HRH1: variants seen among roughly 807,000 people sequenced by gnomAD.
HRH1 encodes histamine H1 receptor.
A neutral mutation model predicts 10.3 loss-of-function variants in HRH1; 6 were observed. The ratio of observed to expected loss-of-function variants is 0.58; its 90% CI spans 0.32 to 1.15. The LOEUF (loss-of-function observed/expected upper bound fraction) is 1.15. HRH1 is among the 50% of genes most tolerant of loss of function. The pLI is 0.05. For missense variants in HRH1, 514 were observed against 615.3 expected, an observed-to-expected ratio of 0.84 and a Z score of 1.74; for synonymous variants, 242 against 236.7, an observed-to-expected ratio of 1.02 and a Z score of -0.21.
At chr3:11,175,616 T>G (rs1329739482) in intron 1 of HRH1, among the ~76,000 whole-genome samples, 1 of 152,224 alleles carries the variant, frequency 6.6e-6, no homozygotes, top group Non-Finnish European at 1.5e-5. Context: ...GGAAAACCAT[T>G]TGTAATAAAA....
upstream of HRH1, among the ~76,000 whole-genome samples, chr3:11,149,811 C>T (rs1308499913): frequency 6.6e-6 from 1 of 152,218 alleles, no homozygotes; most frequent in African/African-American, 2.4e-5. Context: ...AGACTGTATC[C>T]ATACAGAGAA....
upstream of HRH1, among the ~76,000 whole-genome samples, chr3:11,149,976 T>C (rs796860365): frequency 4.6e-5 from 7 of 152,332 alleles, no homozygotes; most frequent in African/African-American, 1.7e-4. Context: ...GCTCTGCAGC[T>C]GTGGCTTCTG....
intron 1 of HRH1, among the ~76,000 whole-genome samples, chr3:11,241,955 G>A (rs533686710): frequency 2.5e-4 from 38 of 152,106 alleles, no homozygotes; most frequent in Non-Finnish European, 5.0e-4. Context: ...TCTCTAAAAT[G>A]CACCAGTCAG....
intron 1 of HRH1, among the ~76,000 whole-genome samples, chr3:11,202,899 C>A (rs1281544267): frequency 6.6e-6 from 1 of 152,192 alleles, no homozygotes; most frequent in Non-Finnish European, 1.5e-5. Context: ...CATCTGTGAT[C>A]TGCCTATTCA....
At chr3:11,191,233 G>T (rs142855315) in intron 1 of HRH1, among the ~76,000 whole-genome samples, 3 of 152,116 alleles carry the variant, frequency 2.0e-5, no homozygotes, top group African/African-American at 7.2e-5. Context: ...TCTGTAACGG[G>T]GTATACACTT....
At chr3:11,204,144 A>G (rs1938032316) in intron 1 of HRH1, among the ~76,000 whole-genome samples, 1 of 152,166 alleles carries the variant, frequency 6.6e-6, no homozygotes, top group South Asian at 2.1e-4. Flanking sequence ...ACATTCGCTG[A>G]GGCTCAGTGG....
At chr3:11,164,980 T>C (rs1379507933) in intron 1 of HRH1, among the ~76,000 whole-genome samples, 2 of 152,168 alleles carry the variant, frequency 1.3e-5, no homozygotes, top group African/African-American at 2.4e-5. Context: ...GTGCCTGCTG[T>C]ACAGTGGGGA....
At chr3:11,144,248 C>T (rs980077959) in intron 1 of HRH1, among the ~76,000 whole-genome samples, 3 of 151,614 alleles carry the variant, frequency 2.0e-5, no homozygotes, top group Admixed American at 1.3e-4. Flanking sequence ...GACACCTGCA[C>T]GCGTATGTTT....
chr3:11,212,463 G>GA (rs1209579672), intron 1 of HRH1, among the ~76,000 whole-genome samples: 1 of 152,134 alleles, frequency 6.6e-6, no homozygotes, highest in Non-Finnish European at 1.5e-5. Flanking sequence ...GGCAGGCCTG[G>GA]AAAATCTACT....
At chr3:11,243,626 T>C (rs1318719889) in intron 1 of HRH1, among the ~76,000 whole-genome samples, 1 of 152,244 alleles carries the variant, frequency 6.6e-6, no homozygotes, top group Non-Finnish European at 1.5e-5. Flanking sequence ...TTCTGTGCTC[T>C]AGGCACTTCC....
intron 1 of HRH1, among the ~76,000 whole-genome samples, chr3:11,159,451 A>T (rs1936883173): frequency 6.6e-6 from 1 of 152,162 alleles, no homozygotes; most frequent in Non-Finnish European, 1.5e-5. Context: ...GTTTTAACAG[A>T]TGCTTGTTCT....
intron 1 of HRH1, among the ~76,000 whole-genome samples, chr3:11,188,622 A>C (rs1269019422): frequency 2.0e-5 from 3 of 152,250 alleles, no homozygotes; most frequent in Non-Finnish European, 2.9e-5. Flanking sequence ...TTACAATTCT[A>C]TTTATATTAA....
At chr3:11,223,270 G>C (rs1340764547) in intron 1 of HRH1, among the ~76,000 whole-genome samples, 4 of 150,604 alleles carry the variant, frequency 2.7e-5, no homozygotes, top group Admixed American at 1.3e-4. Context: ...GAGGCAGGTG[G>C]ACCACAAGGT....
At position 11,259,550 on chromosome 3, in the gene HRH1, G is replaced by C. The variant is rs1939881771; in HGVS notation, c.513G>C (p.Gln171His). The C allele has an allele frequency of 1.2e-6, 2 of 1,614,066 alleles. No homozygotes were observed. The highest frequency in any genetic ancestry group is 1.3e-5 in the African/African-American group (1 of 75,018). Residue 171 changes from glutamine to histidine, a missense_variant, in exon 2 of 2, where the codon CAG (glutamine) becomes CAC (histidine). Coordinates refer to ENST00000431010, the MANE Select transcript of HRH1 (RefSeq NM_001098212.2). The surrounding 1 kb of genome is among the most constrained non-coding windows in gnomAD (Gnocchi z 4.6). ...TAGGCTGGAATCACTTCATGCAGCA[G>C]ACCTCGGTGCGCCGAGAGGACAAGT... ...PILGWNHFMQQTSVRREDKCE... is the reference protein window; with the variant it reads ...PILGWNHFMQHTSVRREDKCE...
In HRH1 at chr3:11,198,901, T is replaced by TACACAC. The variant is rs1491456900; in HGVS notation, c.-36+44348_-36+44349insCACACA. On this transcript the variant is annotated intron_variant, in intron 1 of 1. Coordinates refer to ENST00000431010, the MANE Select transcript of HRH1 (RefSeq NM_001098212.2). ...GTGTATTGTAAACTCTCTCTCTCTTTATACACACACACACACACACACACA... is the reference window on the plus strand; with the variant it reads ...GTGTATTGTAAACTCTCTCTCTCTTTACACACATACACACACACACACACACACACA... Among the ~76,000 whole-genome samples, 285 of 86,138 alleles carry TACACAC rather than the reference T, an allele frequency of 3.3e-3. 2 individuals carry two copies. The highest frequency in any genetic ancestry group is 0.011 in the African/African-American group (257 of 24,192). The allele number at this position is 86,138 out of a possible 152,430, so 56.5% of individuals were successfully genotyped here. A position where few individuals can be genotyped will look rare whatever the true frequency, so the allele number is the denominator to read the frequency against.
chr3:11,243,025 TG>T (rs1939391162), intron 1 of HRH1, among the ~76,000 whole-genome samples: 1 of 152,124 alleles, frequency 6.6e-6, no homozygotes, highest in South Asian at 2.1e-4. Context: ...GTGATTCTCC[TG>T]CCTCACCCTC....
intron 1 of HRH1, among the ~76,000 whole-genome samples, chr3:11,256,939 A>G (rs531177414): frequency 6.6e-6 from 1 of 152,158 alleles, no homozygotes; most frequent in Non-Finnish European, 1.5e-5. Flanking sequence ...TAAACTCACC[A>G]CTTTTTGATG....
At chr3:11,166,076 G>GT (rs1321904240) in intron 1 of HRH1, among the ~76,000 whole-genome samples, 1 of 152,158 alleles carries the variant, frequency 6.6e-6, no homozygotes, top group Non-Finnish European at 1.5e-5. Context: ...CCCCTCCACA[G>GT]TGGGCAACCA....
intron 1 of HRH1, among the ~76,000 whole-genome samples, chr3:11,203,965 C>T (rs1938024248): frequency 6.6e-6 from 1 of 152,150 alleles, no homozygotes; most frequent in South Asian, 2.1e-4. Context: ...TTGGGGGTTC[C>T]TATCCATGAA....
Sources: allele counts gnomAD v4.1 joint callset (sites outside exome capture counted in the v4.1 genomes callset), GRCh38; gene constraint gnomAD v4.1.1; non-coding constraint Gnocchi (gnomAD v3.1); transcripts MANE v1.5; gene names NCBI Gene and HGNC (gene_info 2026-07-23, HGNC 2026-07-21).